The following PGAP1 variants were observed in gnomAD, a reference collection of about 807,000 sequenced individuals.
PGAP1 encodes GPI inositol-deacylase.
PGAP1 carries 76 observed loss-of-function variants against 127.0 expected under a neutral mutation model. The ratio of observed to expected loss-of-function variants is 0.60; its 90% confidence interval spans 0.50 to 0.72. The LOEUF (loss-of-function observed/expected upper bound fraction) is 0.72. PGAP1 is among the 30% of genes least tolerant of loss of function. The probability of loss-of-function intolerance (pLI) is 0.00; values close to 1 mark genes in which losing one functional copy is unlikely to be tolerated. For synonymous variants in PGAP1, 362 were observed against 366.5 expected, an observed-to-expected ratio of 0.99 and a Z score of 0.14; for missense variants, 982 against 1,071.3, an observed-to-expected ratio of 0.92 and a Z score of 1.16.
intron 13 of PGAP1, among the ~76,000 whole-genome samples, chr2:196,878,666 A>G (rs1334283789): frequency 6.6e-6 from 1 of 152,194 alleles, no homozygotes; most frequent in East Asian, 1.9e-4. Context: ...ATGGCTTCCT[A>G]CTGACTTCTG....
chr2:196,915,422 GAATGCCT>G (rs1702975829), intron 3 of PGAP1, among the ~76,000 whole-genome samples: 1 of 152,114 alleles, frequency 6.6e-6, no homozygotes, highest in Admixed American at 6.6e-5. Context: ...AGCATACATG[GAATGCCT>G]AATGTGCATC....
intron 20 of PGAP1, among the ~76,000 whole-genome samples, chr2:196,862,194 C>G (rs974678372): frequency 2.0e-5 from 3 of 152,122 alleles, no homozygotes; most frequent in Admixed American, 6.5e-5. Flanking sequence ...AAAGAGAATA[C>G]GCGCCTGAGG....
Position 196,835,922 on chromosome 2 carries a change from C to T in PGAP1, c.*5312G>A, listed in dbSNP as rs569781873. 1.6e-4 allele frequency: 25 copies of T among 152,048 alleles called. No homozygotes were observed. The highest frequency in any genetic ancestry group is 5.3e-4 in the African/African-American group (22 of 41,522). The allele number at this position is 152,048 out of a possible 1,614,324, so 9.4% of individuals were successfully genotyped here. A position where few individuals can be genotyped will look rare whatever the true frequency, so the allele number is the denominator to read the frequency against. On this transcript the variant is annotated 3_prime_UTR_variant, in exon 27 of 27. Coordinates refer to ENST00000354764, the MANE Select transcript of PGAP1 (RefSeq NM_024989.4). The stretch of plus-strand genomic sequence containing the variant: ...GGCTTTTGAACAGTTAATAGCTCTA[C>T]GTGTTATCTATAAACATTTTTTACT...
intron 22 of PGAP1, among the ~76,000 whole-genome samples, chr2:196,846,464 G>A (rs999504607): frequency 6.6e-6 from 1 of 152,072 alleles, no homozygotes; most frequent in Non-Finnish European, 1.5e-5. Context: ...TCCCCTCTGT[G>A]ACAGGAAATC....
chr2:196,926,364 G>A, intron 1 of PGAP1, 106 bp downstream of exon 1: 3 of 1,542,604 alleles, frequency 1.9e-6, no homozygotes, highest in Non-Finnish European at 2.6e-6. Flanking sequence ...CGGGACAGGG[G>A]GCCCGAGAGG....
chr2:196,855,773 T>C (rs1163092805), intron 20 of PGAP1, among the ~76,000 whole-genome samples: 1 of 152,178 alleles, frequency 6.6e-6, no homozygotes. Context: ...TTTTTTTTTA[T>C]AAGTCCAATA....
At chr2:196,893,747 T>C (rs1702178198) in intron 7 of PGAP1, among the ~76,000 whole-genome samples, 1 of 152,172 alleles carries the variant, frequency 6.6e-6, no homozygotes, top group Non-Finnish European at 1.5e-5. Context: ...TTTCCTACCA[T>C]AGAAATTACT....
chr2:196,880,208 A>T, intron 12 of PGAP1, 55 bp from the exon 13 acceptor site: 1 of 1,072,084 alleles, frequency 9.3e-7, no homozygotes, highest in Non-Finnish European at 1.3e-6. Flanking sequence ...ATGCATGTTT[A>T]AAGAAAAATA....
chr2:196,911,606 T>TAAAAAA (rs56107551), intron 4 of PGAP1, among the ~76,000 whole-genome samples: 21 of 77,284 alleles, frequency 2.7e-4, no homozygotes, highest in East Asian at 4.0e-4. Flanking sequence ...TAGAGTATAA[T>TAAAAAA]AAAAAAAAAA....
chr2:196,896,707 A>G (rs559764756), intron 7 of PGAP1, among the ~76,000 whole-genome samples: 1 of 151,670 alleles, frequency 6.6e-6, no homozygotes, highest in South Asian at 2.1e-4. Context: ...GTGCACATAC[A>G]TAGTCCCAGC....
intron 2 of PGAP1, 121 bp from the exon 3 acceptor site, chr2:196,916,714 G>T: frequency 1.0e-6 from 1 of 976,944 alleles, no homozygotes; most frequent in Non-Finnish European, 1.4e-6. Flanking sequence ...ACCTATTTCA[G>T]GATGAAATTC....
chr2:196,861,410 A>T (rs564866423), intron 20 of PGAP1, among the ~76,000 whole-genome samples: 1 of 152,356 alleles, frequency 6.6e-6, no homozygotes, highest in Non-Finnish European at 1.5e-5. Context: ...AAAATTTTGC[A>T]AACTATCCAT....
In PGAP1 at chr2:196,834,860, C is replaced by T. The variant is rs1417350483; in HGVS notation, c.*6374G>A. On this transcript the variant is annotated 3_prime_UTR_variant, in exon 27 of 27. Transcript: ENST00000354764. ...AGAACAATGTAAACTGAACTTAGGC[C>T]TTGTACACTATCTTTTTACTAATAA... is the stretch of plus-strand genomic sequence containing the variant. The T allele has an allele frequency of 6.6e-6, 1 of 151,866 alleles. No individual in the cohort carries two copies. Among genetic ancestry groups the T allele is most frequent in the Non-Finnish European group, 1.5e-5 (1 of 67,848 alleles). The allele number at this position is 151,866 out of a possible 1,614,324, so 9.4% of individuals were successfully genotyped here. A position where few individuals can be genotyped will look rare whatever the true frequency, so the allele number is the denominator to read the frequency against.
chr2:196,852,082 T>A (rs1013901625), intron 20 of PGAP1, among the ~76,000 whole-genome samples: 11 of 152,228 alleles, frequency 7.2e-5, no homozygotes, highest in African/African-American at 2.7e-4. Context: ...TGGATCTAAT[T>A]ATCTTTCATA....
In PGAP1 at chr2:196,926,606, T is replaced by C; in HGVS notation, c.11A>G (p.His4Arg). Residue 4 changes from histidine to arginine, a missense_variant, in exon 1 of 27, where the codon CAC (histidine) becomes CGC (arginine). By Grantham distance (29) the His-to-Arg change is conservative. Coordinates refer to ENST00000354764, the MANE Select transcript of PGAP1 (RefSeq NM_024989.4). ...CGCCAGGTTCCAGAGATTAACTGAG[T>C]GAAGAAACATGGTGCCGCCACCACC... MFL[H>R]SVNLWNLAFY... 6.2e-7 allele frequency: 1 copy of C among 1,613,724 alleles called. No individual in the cohort carries two copies. The highest frequency in any genetic ancestry group is 8.5e-7 in the Non-Finnish European group (1 of 1,179,890).
chr2:196,895,295 A>C (rs907551429), intron 7 of PGAP1, among the ~76,000 whole-genome samples: 1 of 152,206 alleles, frequency 6.6e-6, no homozygotes, highest in East Asian at 1.9e-4. Context: ...TATTGAAATT[A>C]GTTTTATGTC....
In PGAP1 at chr2:196,838,342, T is replaced by C. The variant is rs919766535; in HGVS notation, c.*2892A>G. On this transcript the variant is annotated 3_prime_UTR_variant, in exon 27 of 27. Coordinates refer to ENST00000354764, the MANE Select transcript of PGAP1 (RefSeq NM_024989.4). Reference sequence around the variant, plus strand: ...ATTTCATTTTTGTTAACATTGCTAATAGGGCAGTGCTGTTTAACCAGCCAA... The same window carrying C: ...ATTTCATTTTTGTTAACATTGCTAACAGGGCAGTGCTGTTTAACCAGCCAA... The C allele has an allele frequency of 6.6e-6, 1 of 152,218 alleles. No individual in the cohort carries two copies. The highest frequency in any genetic ancestry group is 2.4e-5 in the African/African-American group (1 of 41,474). 9.4% of individuals were successfully genotyped at this position (152,218 alleles called of 1,614,324 possible). A position where few individuals can be genotyped will look rare whatever the true frequency, so the allele number is the denominator to read the frequency against.
chr2:196,914,610 AC>A (rs1702939250), intron 3 of PGAP1, among the ~76,000 whole-genome samples: 1 of 137,976 alleles, frequency 7.2e-6, no homozygotes, highest in Non-Finnish European at 1.5e-5. Flanking sequence ...ACAGAGTGAG[AC>A]CCTGTCTCAA....
At chr2:196,898,276 A>G in intron 6 of PGAP1, 41 bp downstream of exon 6, 1 of 1,385,916 alleles carries the variant, frequency 7.2e-7, no homozygotes, top group Non-Finnish European at 1.0e-6. Context: ...AAAGAGGACC[A>G]TGACAACTCA....
Sources: gnomAD v4.1 joint callset for allele counts (sites outside exome capture counted in the v4.1 genomes callset) on GRCh38, gnomAD v4.1.1 for gene constraint, MANE v1.5 for transcripts, NCBI Gene and HGNC (gene_info 2026-07-23, HGNC 2026-07-21) for gene names.